Variants in MICU1 observed in about 807,000 individuals in gnomAD.
The protein encoded by MICU1 is mitochondrial calcium uptake 1.
Under a neutral mutation model 56.8 loss-of-function variants are expected in MICU1, and 45 were observed. The observed-to-expected ratio is 0.79, with a 90% CI of 0.62 to 1.02. MICU1 has a LOEUF of 1.02. MICU1 is among the 50% of genes least tolerant of loss of function. MICU1 has a pLI of 0.00. For missense variants in MICU1, 504 were observed against 587.1 expected (o/e 0.86, Z 1.46); for synonymous variants, 186 against 195.1 (o/e 0.95, Z 0.39).
intron 5 of MICU1, among the ~76,000 whole-genome samples, chr10:72,522,961 A>C (rs1867866231): frequency 6.6e-6 from 1 of 152,180 alleles, no homozygotes; most frequent in Non-Finnish European, 1.5e-5. Context: ...GAATGCAGAA[A>C]AGCTTGATTT....
Position 72,566,704 on chromosome 10 carries a change from C to T in MICU1, c.90G>A (p.Arg30=). 2 of 1,612,752 alleles carry T rather than the reference C, an allele frequency of 1.2e-6. No individual in the cohort carries two copies. Among genetic ancestry groups the T allele is most frequent in the Non-Finnish European group, 1.7e-6 (2 of 1,179,408 alleles). ...GGAAAGCCACCATCATTAGTCTTCG[C>T]CGGATCTGGATGGGCTGTGATCCTC... The part of the protein sequence containing the change: ...YHGGSQPIQI[R]RRLMMVAFLG... Residue 30 remains arginine (R), a synonymous_variant, in exon 2 of 12, where the codon CGG becomes CGA. Coordinates refer to ENST00000361114, the MANE Select transcript of MICU1 (RefSeq NM_001195518.2).
intron 5 of MICU1, among the ~76,000 whole-genome samples, chr10:72,521,182 T>C (rs988460817): frequency 5.3e-5 from 8 of 152,008 alleles, no homozygotes; most frequent in African/African-American, 1.9e-4. Context: ...GGAAAAAAAT[T>C]TGTATAAGAA....
At chr10:72,437,286 A>G (rs949534127) in intron 8 of MICU1, among the ~76,000 whole-genome samples, 1 of 152,200 alleles carries the variant, frequency 6.6e-6, no homozygotes, top group South Asian at 2.1e-4. Context: ...TTTCATATCC[A>G]GCCAAACTAA....
Position 72,368,249 on chromosome 10 carries a change from G to T in MICU1, c.1377C>A (p.Ala459=), listed in dbSNP as rs771925131. 10 of 1,613,834 alleles carry T rather than the reference G, an allele frequency of 6.2e-6. No individual in the cohort carries two copies. The highest frequency in any genetic ancestry group is 8.5e-6 in the Non-Finnish European group (10 of 1,179,874). The change falls in exon 12 of 12, where the codon GCC becomes GCA. Residue 459 remains alanine (A), a synonymous_variant. Coordinates refer to ENST00000361114, the MANE Select transcript of MICU1 (RefSeq NM_001195518.2). Reference sequence around the variant, plus strand: ...CAGTTTCCTGTGCACATTTCCACATGGCCTGCATGAGGCGAGTGAAACCCA... The same window carrying T: ...CAGTTTCCTGTGCACATTTCCACATTGCCTGCATGAGGCGAGTGAAACCCA... The part of the protein sequence containing the change: ...KDMGFTRLMQ[A]MWKCAQETAW...
Position 72,563,019 on chromosome 10 carries a change from T to G in MICU1, c.206A>C (p.Asp69Ala). The G allele has an allele frequency of 6.2e-7, 1 of 1,604,540 alleles. No homozygotes were observed. Among genetic ancestry groups the G allele is most frequent in the Non-Finnish European group, 8.5e-7 (1 of 1,176,014 alleles). ...SPPCVDNLKSDIGDKGKNKDE... is the reference protein window; with the variant it reads ...SPPCVDNLKSAIGDKGKNKDE... ...TTTATTCTTCCCTTTATCACCGATG[T>G]CACTTTTTAGGTTGTCTACACATGG... The change falls in exon 3 of 12, where the codon GAC (aspartate) becomes GCC (alanine). Residue 69 changes from aspartate (D) to alanine (A), a missense_variant. By Grantham distance (126) the Asp-to-Ala change is moderately radical. Transcript: ENST00000361114.
intron 8 of MICU1, among the ~76,000 whole-genome samples, chr10:72,425,606 C>A (rs1864321330): frequency 6.6e-6 from 1 of 152,252 alleles, no homozygotes; most frequent in Admixed American, 6.5e-5. Context: ...AAACAATCAA[C>A]TTCTGCTTGT....
At chr10:72,458,900 A>G (rs28654454) in intron 8 of MICU1, among the ~76,000 whole-genome samples, 2 of 122,320 alleles carry the variant, frequency 1.6e-5, no homozygotes, top group Non-Finnish European at 3.4e-5. Flanking sequence ...TTTTTTTTGT[A>G]TTTTTTTTTG....
At position 72,391,887 on chromosome 10, in the gene MICU1, T is replaced by C. The variant is rs200182249; in HGVS notation, c.1181-16015A>G. The stretch of plus-strand genomic sequence containing the variant: ...TTAGTAGTTAAGTTTTTGGGGAGTC[T>C]AAAGTTATCCTAGGATTTTCAACTG... On this transcript the variant is annotated intron_variant, in intron 10 of 11. Transcript: ENST00000361114. 24 of 152,272 alleles carry C rather than the reference T, an allele frequency of 1.6e-4. No individual in the cohort carries two copies. In the East Asian group the frequency reaches 4.2e-3, roughly 27 times the overall value. The allele number at this position is 152,272 out of a possible 1,614,324, so 9.4% of individuals were successfully genotyped here.
intron 9 of MICU1, among the ~76,000 whole-genome samples, chr10:72,413,267 C>T (rs944146913): frequency 6.6e-6 from 1 of 151,986 alleles, no homozygotes; most frequent in African/African-American, 2.4e-5. Flanking sequence ...ATCTTCATGA[C>T]CTTGACTAAG....
chr10:72,568,425 A>T (rs1162125541), intron 1 of MICU1, among the ~76,000 whole-genome samples: 3 of 152,132 alleles, frequency 2.0e-5, no homozygotes, highest in Non-Finnish European at 4.4e-5. Flanking sequence ...TCTTGCTCTA[A>T]CCAATGGAAT....
chr10:72,495,791 G>C (rs1866821371), intron 6 of MICU1, among the ~76,000 whole-genome samples: 1 of 151,888 alleles, frequency 6.6e-6, no homozygotes. Flanking sequence ...TTTCAATTTA[G>C]TGTTCAAACA....
intron 8 of MICU1, among the ~76,000 whole-genome samples, chr10:72,465,888 T>C (rs1308547912): frequency 6.6e-6 from 1 of 152,170 alleles, no homozygotes; most frequent in African/African-American, 2.4e-5. Flanking sequence ...ACTGTGTCTA[T>C]AACTTTTGCA....
intron 6 of MICU1, among the ~76,000 whole-genome samples, chr10:72,502,072 G>A (rs1052528263): frequency 1.1e-4 from 17 of 151,756 alleles, no homozygotes. Flanking sequence ...CAATCCATTA[G>A]AGCACAGTGT....
chr10:72,521,441 G>C (rs1407022848), intron 5 of MICU1, among the ~76,000 whole-genome samples: 4 of 152,042 alleles, frequency 2.6e-5, no homozygotes, highest in Non-Finnish European at 5.9e-5. Flanking sequence ...ATATGAATTG[G>C]AAGTGGCTGA....
intron 5 of MICU1, among the ~76,000 whole-genome samples, chr10:72,522,193 T>C (rs886738419): frequency 2.0e-5 from 3 of 152,154 alleles, no homozygotes; most frequent in Admixed American, 1.3e-4. Context: ...TTTATTTATG[T>C]GACCTTAAGC....
chr10:72,556,027 T>C (rs755939374), intron 3 of MICU1, among the ~76,000 whole-genome samples: 1 of 152,136 alleles, frequency 6.6e-6, no homozygotes, highest in Non-Finnish European at 1.5e-5. Flanking sequence ...AAATAATGCA[T>C]AGGCATGGGA....
intron 4 of MICU1, among the ~76,000 whole-genome samples, chr10:72,542,885 G>A (rs1416562949): frequency 1.3e-5 from 2 of 152,234 alleles, no homozygotes; most frequent in Middle Eastern, 3.2e-3. Flanking sequence ...GCTCTCAGCA[G>A]GAAGGCGAGC....
intron 1 of MICU1, among the ~76,000 whole-genome samples, chr10:72,578,264 GA>G (rs938588108): frequency 6.6e-6 from 1 of 151,466 alleles, no homozygotes; most frequent in Non-Finnish European, 1.5e-5. Flanking sequence ...TAGCAATAAA[GA>G]TTTTTTTTTT....
At chr10:72,584,504 G>T (rs1282382125) in intron 1 of MICU1, among the ~76,000 whole-genome samples, 1 of 151,804 alleles carries the variant, frequency 6.6e-6, no homozygotes, top group Non-Finnish European at 1.5e-5. Flanking sequence ...TCTCCAATTT[G>T]ATTTTCAAGT....
Sources: allele counts gnomAD v4.1 joint callset (sites outside exome capture counted in the v4.1 genomes callset), GRCh38; gene constraint gnomAD v4.1.1; transcripts MANE v1.5; gene names NCBI Gene and HGNC (gene_info 2026-07-23, HGNC 2026-07-21).